The following CCND3 variants were observed in gnomAD, a reference collection of about 807,000 sequenced individuals.
CCND3 encodes the protein G1/S-specific cyclin-D3.
In CCND3, 9 loss-of-function variants were observed where a neutral mutation model predicts 28.7. The ratio of observed to expected loss-of-function variants is 0.31; its 90% CI spans 0.19 to 0.55. CCND3 has a LOEUF of 0.55. Among genes scored for constraint, CCND3 ranks in the 20% least tolerant of loss-of-function variants. CCND3 has a pLI of 0.93. For synonymous variants in CCND3, 164 were observed against 163.9 expected, an observed-to-expected ratio of 1.00 and a Z score of 0.00; for missense variants, 315 against 385.8, an observed-to-expected ratio of 0.82 and a Z score of 1.54.
chr6:41,936,579 C>T lies in CCND3; in HGVS notation c.691G>A (p.Gly231Arg). 1.2e-6 allele frequency: 2 copies of T among 1,614,196 alleles called. No homozygotes were observed. Among genetic ancestry groups the T allele is most frequent in the Non-Finnish European group, 1.7e-6 (2 of 1,180,028 alleles). Reference protein sequence around the residue: ...SGDELTELLAGITGTEVDCLR... With the variant: ...SGDELTELLARITGTEVDCLR... Reference sequence around the variant, plus strand: ...CTCACCACTTCAGTGCCAGTGATCCCTGCCAGCAGCTCTGTGAGCTCATCC... The same window carrying T: ...CTCACCACTTCAGTGCCAGTGATCCTTGCCAGCAGCTCTGTGAGCTCATCC... The change falls in exon 4 of 5, where the codon GGG becomes AGG. Residue 231 changes from glycine to arginine, a missense_variant. Physicochemically the swap from Gly to Arg is moderately radical, Grantham distance 125. Coordinates refer to ENST00000372991, the MANE Select transcript of CCND3 (RefSeq NM_001760.5). This position sits in a 1 kb window ranked among gnomAD's most constrained non-coding sequence, Gnocchi z 4.4.
intron 1 of CCND3, among the ~76,000 whole-genome samples, chr6:41,963,871 T>C (rs1043318598): frequency 6.6e-6 from 1 of 152,298 alleles, no homozygotes; most frequent in African/African-American, 2.4e-5. Flanking sequence ...GATCTCCACA[T>C]AGCTCCTTTC....
intron 1 of CCND3, among the ~76,000 whole-genome samples, chr6:41,974,126 T>C (rs893077852): frequency 2.6e-5 from 4 of 152,166 alleles, no homozygotes; most frequent in Admixed American, 2.6e-4. Context: ...GAGGTTGCAG[T>C]GAGCTGAGAC....
intron 1 of CCND3, among the ~76,000 whole-genome samples, chr6:42,020,727 G>A (rs116641777): frequency 0.012 from 1,837 of 152,302 alleles, 30 homozygotes; most frequent in African/African-American, 0.041. Context: ...TTCATGAGCA[G>A]TCACCCCCTT....
chr6:41,999,653 G>A (rs1762928699), intron 1 of CCND3, among the ~76,000 whole-genome samples: 1 of 152,122 alleles, frequency 6.6e-6, no homozygotes, highest in Non-Finnish European at 1.5e-5. Context: ...CCAGCACTTA[G>A]GGAAGCCAAG....
chr6:41,962,396 G>A (rs1397583956), intron 1 of CCND3, among the ~76,000 whole-genome samples: 2 of 151,384 alleles, frequency 1.3e-5, no homozygotes, highest in Non-Finnish European at 2.9e-5. Flanking sequence ...CACTGCGCCT[G>A]GCTGCCCAAG....
Position 41,934,997 on chromosome 6 carries a change from GC to G in CCND3, c.*942del, listed in dbSNP as rs1775719942. On this transcript the variant is annotated 3_prime_UTR_variant, in exon 5 of 5. Coordinates refer to ENST00000372991, the MANE Select transcript of CCND3 (RefSeq NM_001760.5). ...TATTACAGTAGGATGATGGTCCTGG[GC>G]CACCAGCCTAAACCTTGCAGCCTTA... The G allele has an allele frequency of 4.3e-6, 1 of 232,240 alleles. No homozygotes were observed. The highest frequency in any genetic ancestry group is 8.5e-6 in the Non-Finnish European group (1 of 117,508). The allele number at this position is 232,240 out of a possible 1,614,324, so 14.4% of individuals were successfully genotyped here.
intron 1 of CCND3, among the ~76,000 whole-genome samples, chr6:41,962,168 T>C (rs1761735891): frequency 6.6e-6 from 1 of 151,958 alleles, no homozygotes; most frequent in Non-Finnish European, 1.5e-5. Context: ...TGGCACGATA[T>C]CGGCTCACTG....
At chr6:42,031,143 C>G (rs1304148740) in intron 1 of CCND3, 1 of 152,272 alleles carries the variant, frequency 6.6e-6, no homozygotes, top group African/African-American at 2.4e-5. Context: ...GCTCTGGCCA[C>G]CTTAGTTCCC....
chr6:41,953,898 C>T (rs924546300), intron 1 of CCND3, among the ~76,000 whole-genome samples: 4 of 151,806 alleles, frequency 2.6e-5, no homozygotes, highest in Non-Finnish European at 5.9e-5. Flanking sequence ...TTACTGAATA[C>T]TTACTATGTG....
rs1776003058 is a variant in CCND3, at chr6:41,941,213, G to A, written c.198+239C>T. On this transcript the variant is annotated intron_variant, in intron 1 of 4. Coordinates refer to ENST00000372991, the MANE Select transcript of CCND3 (RefSeq NM_001760.5). This position sits in a 1 kb window ranked among gnomAD's most constrained non-coding sequence, Gnocchi z 6.1. ...GTCCTTGGTCCCGTTTGCTCGGCCCGAAGAGAGGCACAGTTAGGGTGCCAA... is the reference window on the plus strand; with the variant it reads ...GTCCTTGGTCCCGTTTGCTCGGCCCAAAGAGAGGCACAGTTAGGGTGCCAA... The A allele has an allele frequency of 7.0e-7, 1 of 1,435,656 alleles. No individual in the cohort carries two copies. Among genetic ancestry groups the A allele is most frequent in the African/African-American group, 1.4e-5 (1 of 69,578 alleles). 88.9% of individuals were successfully genotyped at this position (1,435,656 alleles called of 1,614,324 possible). A position where few individuals can be genotyped will look rare whatever the true frequency, so the allele number is the denominator to read the frequency against.
Position 41,941,608 on chromosome 6 carries a change from C to T in CCND3, c.42G>A (p.Arg14=). The part of the protein sequence containing the change: ...LCCEGTRHAP[R]AGPDPRLLGD... ...CCAGCAGCCGCGGGTCCGGCCCGGC[C>T]CGGGGCGCGTGCCGGGTGCCTTCGC... The change falls in exon 1 of 5, where the codon CGG becomes CGA. Residue 14 remains arginine (R), a synonymous_variant. Transcript: ENST00000372991. This position sits in a 1 kb window ranked among gnomAD's most constrained non-coding sequence, Gnocchi z 6.1. 6.5e-7 allele frequency: 1 copy of T among 1,527,110 alleles called. No individual in the cohort carries two copies. The highest frequency in any genetic ancestry group is 8.8e-7 in the Non-Finnish European group (1 of 1,134,772). The allele number at this position is 1,527,110 out of a possible 1,614,324, so 94.6% of individuals were successfully genotyped here. A position where few individuals can be genotyped will look rare whatever the true frequency, so the allele number is the denominator to read the frequency against.
intron 1 of CCND3, among the ~76,000 whole-genome samples, chr6:41,955,925 G>A (rs956326920): frequency 6.6e-6 from 1 of 152,118 alleles, no homozygotes; most frequent in Non-Finnish European, 1.5e-5. Flanking sequence ...GCAGCAGAGC[G>A]AAACCGTATC....
intron 1 of CCND3, among the ~76,000 whole-genome samples, chr6:42,001,842 C>T (rs532300013): frequency 1.1e-4 from 17 of 152,174 alleles, no homozygotes; most frequent in Non-Finnish European, 2.1e-4. Context: ...GGGCCGGGCA[C>T]GGTAGCTCAT....
chr6:41,975,476 C>T (rs1183562137), intron 1 of CCND3, among the ~76,000 whole-genome samples: 2 of 152,156 alleles, frequency 1.3e-5, no homozygotes, highest in Non-Finnish European at 2.9e-5. Context: ...GTAACCAGCA[C>T]CCTAAGACAG....
intron 1 of CCND3, among the ~76,000 whole-genome samples, chr6:41,969,607 G>A (rs562381110): frequency 6.6e-6 from 1 of 151,990 alleles, no homozygotes; most frequent in Non-Finnish European, 1.5e-5. Context: ...GTGGTGGCAC[G>A]CACCTGTAGT....
At chr6:41,988,698 T>TC (rs1762556593) in intron 1 of CCND3, among the ~76,000 whole-genome samples, 1 of 36,328 alleles carries the variant, frequency 2.8e-5, no homozygotes. Flanking sequence ...GAACTTCTTT[T>TC]CTTTTTTTTT....
At chr6:41,971,991 C>T (rs1306942620) in intron 1 of CCND3, among the ~76,000 whole-genome samples, 2 of 149,756 alleles carry the variant, frequency 1.3e-5, no homozygotes, top group Non-Finnish European at 3.0e-5. Context: ...TTTGGGAGGC[C>T]AAGACGGGCG....
intron 1 of CCND3, among the ~76,000 whole-genome samples, chr6:41,989,722 C>T (rs1762596888): frequency 6.6e-6 from 1 of 152,114 alleles, no homozygotes; most frequent in Admixed American, 6.6e-5. Flanking sequence ...TCATTCATTG[C>T]TGGTGGGAAT....
intron 1 of CCND3, among the ~76,000 whole-genome samples, chr6:42,038,505 A>G (rs1029082431): frequency 6.6e-6 from 1 of 150,834 alleles, no homozygotes; most frequent in Non-Finnish European, 1.5e-5. Flanking sequence ...GTGCCACTAC[A>G]CTCTAGCCTG....
Sources: allele counts gnomAD v4.1 joint callset (sites outside exome capture counted in the v4.1 genomes callset), GRCh38; gene constraint gnomAD v4.1.1; non-coding constraint Gnocchi (gnomAD v3.1); transcripts MANE v1.5; gene names NCBI Gene and HGNC (gene_info 2026-07-23, HGNC 2026-07-21).